The following RAP2A variants were observed in gnomAD, a reference collection of about 807,000 sequenced individuals.
The protein encoded by RAP2A is ras-related protein Rap-2a.
Under a neutral mutation model 15.1 loss-of-function variants are expected in RAP2A, and 5 were observed. The ratio of observed to expected loss-of-function variants is 0.33; its 90% CI spans 0.17 to 0.70. The LOEUF is 0.70. Among genes scored for constraint, RAP2A ranks in the 30% least tolerant of loss-of-function variants. RAP2A has a pLI of 0.68. For synonymous variants in RAP2A, 110 were observed against 99.7 expected (o/e 1.10, Z -0.62); for missense variants, 111 against 240.3 (o/e 0.46, Z 3.56).
intron 1 of RAP2A, among the ~76,000 whole-genome samples, chr13:97,449,353 G>A (rs2066692469): frequency 6.6e-6 from 1 of 152,200 alleles, no homozygotes; most frequent in African/African-American, 2.4e-5. Context: ...CTGTTGCAGT[G>A]TCTTAGGTAT....
At chr13:97,462,376 A>G (rs1594328934) in intron 1 of RAP2A, among the ~76,000 whole-genome samples, 1 of 152,156 alleles carries the variant, frequency 6.6e-6, no homozygotes, top group Non-Finnish European at 1.5e-5. Flanking sequence ...GCTCCCTGCC[A>G]AGCTTCTCTG....
intron 1 of RAP2A, chr13:97,437,126 CATAAAT>C (rs1009349297): frequency 1.3e-5 from 2 of 152,150 alleles, no homozygotes; most frequent in African/African-American, 4.8e-5. Context: ...TTAAAAATAA[CATAAAT>C]ATATGGAATT....
chr13:97,464,310 C>T lies in RAP2A; in HGVS notation c.420C>T (p.Cys140=). Reference sequence around the variant, plus strand: ...GAGCCCTTGCTGAAGAGTGGGGCTGCCCCTTTATGGAAACTTCCGCTAAGA... The same window carrying T: ...GAGCCCTTGCTGAAGAGTGGGGCTGTCCCTTTATGGAAACTTCCGCTAAGA... ...EGRALAEEWG[C]PFMETSAKSK... Residue 140 remains cysteine (C), a synonymous_variant, in exon 2 of 2, where the codon TGC becomes TGT. Transcript: ENST00000245304. 6.2e-7 allele frequency: 1 copy of T among 1,614,184 alleles called. No individual in the cohort carries two copies. Among genetic ancestry groups the T allele is most frequent in the Non-Finnish European group, 8.5e-7 (1 of 1,180,030 alleles).
chr13:97,456,617 C>G (rs1375629918), intron 1 of RAP2A, among the ~76,000 whole-genome samples: 1 of 150,426 alleles, frequency 6.6e-6, no homozygotes, highest in Non-Finnish European at 1.5e-5. Context: ...GAAATCTGTT[C>G]TGATATAATG....
At chr13:97,458,772 G>A (rs1022489734) in intron 1 of RAP2A, among the ~76,000 whole-genome samples, 2 of 151,460 alleles carry the variant, frequency 1.3e-5, no homozygotes, top group Non-Finnish European at 2.9e-5. Context: ...TTACAAGAAA[G>A]GAGAAAGCAA....
rs571687317 is a variant in RAP2A, at chr13:97,464,537, G to A, written c.*95G>A. On this transcript the variant is annotated 3_prime_UTR_variant, in exon 2 of 2. Coordinates refer to ENST00000245304, the MANE Select transcript of RAP2A (RefSeq NM_021033.7). ...CTGCAGAACTTGCAGAATGCGTGGT[G>A]TTAATCTACAGAGAACTGCAGCCCT... The A allele has an allele frequency of 1.1e-5, 13 of 1,144,180 alleles. No individual in the cohort carries two copies. The African/African-American group carries it at 1.5e-4, about 13-fold the overall frequency. The allele number at this position is 1,144,180 out of a possible 1,614,324, so 70.9% of individuals were successfully genotyped here.
chr13:97,434,854 C>T, intron 1 of RAP2A, 70 bp downstream of exon 1: 2 of 1,575,040 alleles, frequency 1.3e-6, no homozygotes, highest in Non-Finnish European at 1.7e-6. Context: ...GAACTCCCCG[C>T]GCGGGGCTCC....
rs149973531 is a variant in RAP2A at position 97,460,847 on chromosome 13, G to T, written c.315-3358G>T. The stretch of plus-strand genomic sequence containing the variant: ...CACAGGGACTCTGGAGAAGCACCTG[G>T]TTAGTGTCTGGTGGCTGCTTTGTTG... On this transcript the variant is annotated intron_variant, in intron 1 of 1. Coordinates refer to ENST00000245304, the MANE Select transcript of RAP2A (RefSeq NM_021033.7). Among the ~76,000 whole-genome samples, 274 of 152,294 alleles carry T rather than the reference G, an allele frequency of 1.8e-3. 1 individual carries two copies. The highest frequency in any genetic ancestry group is 6.1e-3 in the African/African-American group (252 of 41,568).
intron 1 of RAP2A, among the ~76,000 whole-genome samples, chr13:97,442,250 T>G (rs1193984944): frequency 6.6e-6 from 1 of 152,162 alleles, no homozygotes; most frequent in Non-Finnish European, 1.5e-5. Flanking sequence ...TAAGATTTTG[T>G]CATGGTATGT....
chr13:97,434,831 C>G (rs1378238965), intron 1 of RAP2A, 47 bp downstream of exon 1: 1 of 1,599,404 alleles, frequency 6.3e-7, no homozygotes, highest in South Asian at 1.1e-5. Flanking sequence ...CCGGAGTCAC[C>G]GTCCCGGGGC....
intron 1 of RAP2A, among the ~76,000 whole-genome samples, chr13:97,446,629 C>T (rs1348638082): frequency 6.6e-6 from 1 of 152,170 alleles, no homozygotes; most frequent in Non-Finnish European, 1.5e-5. Context: ...AGAAGACTAA[C>T]AGCTTCCGCC....
intron 1 of RAP2A, among the ~76,000 whole-genome samples, chr13:97,452,951 A>G (rs1181291359): frequency 1.3e-5 from 2 of 151,236 alleles, no homozygotes; most frequent in South Asian, 2.1e-4. Flanking sequence ...TCTAATTCTA[A>G]TATGTTTGAA....
intron 1 of RAP2A, among the ~76,000 whole-genome samples, chr13:97,448,005 A>C: frequency 6.6e-6 from 1 of 150,972 alleles, no homozygotes. Context: ...TTTTTTATTA[A>C]CCCACCTTGT....
At position 97,466,988 on chromosome 13, in the gene RAP2A, T is replaced by A. The variant is rs2066774778; in HGVS notation, c.*2546T>A. 6.6e-6 allele frequency: 1 copy of A among 152,452 alleles called. No homozygotes were observed. Among genetic ancestry groups the A allele is most frequent in the Admixed American group, 6.5e-5 (1 of 15,288 alleles). The allele number at this position is 152,452 out of a possible 1,614,324, so 9.4% of individuals were successfully genotyped here. On this transcript the variant is annotated 3_prime_UTR_variant, in exon 2 of 2. Transcript: ENST00000245304. ...TTACATTTGTTGGCATACGAAACCT[T>A]AGTGGCTACAGAAGAAAGTTGACCT...
intron 1 of RAP2A, among the ~76,000 whole-genome samples, chr13:97,458,472 A>G (rs989519074): frequency 4.6e-5 from 7 of 152,212 alleles, no homozygotes; most frequent in African/African-American, 1.7e-4. Context: ...GGAACCATGA[A>G]CTATACACAT....
chr13:97,453,019 G>A (rs1160091746), intron 1 of RAP2A, among the ~76,000 whole-genome samples: 1 of 151,070 alleles, frequency 6.6e-6, no homozygotes, highest in East Asian at 1.9e-4. Context: ...CACTTTATAA[G>A]TTATGTTTAT....
intron 1 of RAP2A, among the ~76,000 whole-genome samples, chr13:97,443,066 A>G (rs2066664706): frequency 6.6e-6 from 1 of 152,216 alleles, no homozygotes; most frequent in East Asian, 1.9e-4. Flanking sequence ...ACTTGAATAC[A>G]TGAGTGCGGG....
rs547743066 is a variant in RAP2A at position 97,444,027 on chromosome 13, T to G, written c.314+9243T>G. 1.8e-4 allele frequency among the ~76,000 whole-genome samples: 28 copies of G among 152,382 alleles called. No individual in the cohort carries two copies. In the East Asian group the frequency reaches 2.5e-3, roughly 14 times the overall value. ...AATAGGAATGAAACCCAGCCTTTTA[T>G]CTGTATACTGCCACGTGACTTCTTA... On this transcript the variant is annotated intron_variant, in intron 1 of 1. Coordinates refer to ENST00000245304, the MANE Select transcript of RAP2A (RefSeq NM_021033.7).
At chr13:97,460,635 A>G (rs2066742348) in intron 1 of RAP2A, among the ~76,000 whole-genome samples, 1 of 152,056 alleles carries the variant, frequency 6.6e-6, no homozygotes, top group South Asian at 2.1e-4. Context: ...CGTCTCACCC[A>G]TCTTTCTTAA....
Sources: gnomAD v4.1 joint callset for allele counts (sites outside exome capture counted in the v4.1 genomes callset) on GRCh38, gnomAD v4.1.1 for gene constraint, MANE v1.5 for transcripts, NCBI Gene and HGNC (gene_info 2026-07-23, HGNC 2026-07-21) for gene names.